COG3: variants seen among roughly 807,000 people sequenced by gnomAD.
COG3 encodes the protein conserved oligomeric Golgi complex subunit 3.
A neutral mutation model predicts 114.1 loss-of-function variants in COG3; 32 were observed. The observed-to-expected ratio is 0.28, with a 90% CI of 0.21 to 0.38. The LOEUF (loss-of-function observed/expected upper bound fraction) is 0.38. Ranked by LOEUF, COG3 falls within the 10% of genes least tolerant of loss-of-function variation. COG3 has a pLI of 1.00. For missense variants in COG3, 813 were observed against 973.2 expected, an observed-to-expected ratio of 0.84 and a Z score of 2.19; for synonymous variants, 352 against 365.7, an observed-to-expected ratio of 0.96 and a Z score of 0.43.
Position 45,530,798 on chromosome 13 carries a change from G to T in COG3, c.2457+18G>T. 1.9e-6 allele frequency: 3 copies of T among 1,605,330 alleles called. No homozygotes were observed. The highest frequency in any genetic ancestry group is 2.6e-6 in the Non-Finnish European group (3 of 1,172,832). On this transcript the variant is annotated intron_variant, in intron 22 of 22. Coordinates refer to ENST00000349995, the MANE Select transcript of COG3 (RefSeq NM_031431.4). ...TGGAACAGGTAATGGGTAGACTGAA[G>T]ATCCTTATTACTTTTATGCCCTCTT...
intron 22 of COG3, 60 bp downstream of exon 22, chr13:45,530,840 T>A: frequency 6.5e-7 from 1 of 1,538,728 alleles, no homozygotes; most frequent in Non-Finnish European, 8.8e-7. Context: ...TTCACCTGAG[T>A]AGATAATGTC....
At chr13:45,507,894 C>T (rs1412040087) in intron 14 of COG3, among the ~76,000 whole-genome samples, 1 of 150,646 alleles carries the variant, frequency 6.6e-6, no homozygotes, top group African/African-American at 2.4e-5. Flanking sequence ...ATGGTGAAAC[C>T]CTGTCTCTAC....
rs747929446 is a variant in COG3, at chr13:45,535,538, C to G, written c.*807C>G. 23 of 985,476 alleles carry G rather than the reference C, an allele frequency of 2.3e-5. No homozygotes were observed. The highest frequency in any genetic ancestry group is 1.0e-3 in the Middle Eastern group (2 of 1,938). The allele number at this position is 985,476 out of a possible 1,614,324, so 61.0% of individuals were successfully genotyped here. ...TGGCGCATAGAGGAGAGAAGGAAAC[C>G]TGAGGAGTAGTGTTCCTCCTGAATG... On this transcript the variant is annotated 3_prime_UTR_variant, in exon 23 of 23. Coordinates refer to ENST00000349995, the MANE Select transcript of COG3 (RefSeq NM_031431.4).
chr13:45,482,341 A>AT (rs1416507051), intron 5 of COG3, 40 bp from the exon 6 acceptor site: 2 of 1,070,632 alleles, frequency 1.9e-6, no homozygotes, highest in South Asian at 1.4e-5. Context: ...TATCTGTATC[A>AT]TTTTTTATGA....
In COG3 at chr13:45,504,424, G is replaced by A. The variant is rs192725658; in HGVS notation, c.1594+1075G>A. On this transcript the variant is annotated intron_variant, in intron 14 of 22. Transcript: ENST00000349995. ...CTTTATGAGCACGGGAGAGACGAGAGTACATTTCTGTCTTGCCAACCCCGG... is the reference window on the plus strand; with the variant it reads ...CTTTATGAGCACGGGAGAGACGAGAATACATTTCTGTCTTGCCAACCCCGG... Among the ~76,000 whole-genome samples, 62 of 152,254 alleles carry A rather than the reference G, an allele frequency of 4.1e-4. 1 individual carries two copies. Among genetic ancestry groups the A allele is most frequent in the Non-Finnish European group, 8.8e-5 (6 of 68,020 alleles).
chr13:45,507,774 G>GA (rs34309121), intron 14 of COG3, among the ~76,000 whole-genome samples: 19,900 of 138,208 alleles, frequency 0.14, 2,250 homozygotes, highest in African/African-American at 0.32. Context: ...CAGAAAAAAA[G>GA]AAAAAAAAAA....
At chr13:45,498,235 A>G (rs946810566) in intron 13 of COG3, among the ~76,000 whole-genome samples, 1 of 151,936 alleles carries the variant, frequency 6.6e-6, no homozygotes, top group Non-Finnish European at 1.5e-5. Flanking sequence ...TCTCGTAAGA[A>G]TAAAGACAAT....
rs1035372451 is a variant in COG3 at position 45,530,737 on chromosome 13, G to T, written c.2414G>T (p.Ser805Ile). The T allele has an allele frequency of 1.2e-6, 2 of 1,613,356 alleles. No homozygotes were observed. Among genetic ancestry groups the T allele is most frequent in the Non-Finnish European group, 1.7e-6 (2 of 1,179,370 alleles). ...CACGCTCTGTTAAAGGAAGAGTTCA[G>T]CCCTGAAGACATCCAGATCATTGCC... ...KFHALLKEEF[S>I]PEDIQIIACP... The change falls in exon 22 of 23, where the codon AGC becomes ATC. Residue 805 changes from serine (S) to isoleucine (I), a missense_variant. Physicochemically the swap from Ser to Ile is moderately radical, Grantham distance 142. Coordinates refer to ENST00000349995, the MANE Select transcript of COG3 (RefSeq NM_031431.4).
chr13:45,491,716 C>T (rs1212499150), intron 10 of COG3, among the ~76,000 whole-genome samples, 178 bp downstream of exon 10: 1 of 152,208 alleles, frequency 6.6e-6, no homozygotes, highest in African/African-American at 2.4e-5. Context: ...AAAATATTCT[C>T]ATTTTTTACT....
intron 16 of COG3, among the ~76,000 whole-genome samples, chr13:45,513,852 C>T (rs1871237599): frequency 6.6e-6 from 1 of 151,586 alleles, no homozygotes; most frequent in African/African-American, 2.4e-5. Flanking sequence ...TTTTATATAA[C>T]AATATTACAC....
At chr13:45,470,684 C>T (rs542369431) in intron 1 of COG3, among the ~76,000 whole-genome samples, 2 of 152,334 alleles carry the variant, frequency 1.3e-5, no homozygotes, top group East Asian at 3.9e-4. Context: ...CATTGATCTA[C>T]ATTCTTTCAG....
intron 13 of COG3, among the ~76,000 whole-genome samples, chr13:45,497,848 C>T (rs979584419): frequency 3.3e-5 from 5 of 150,814 alleles, no homozygotes; most frequent in African/African-American, 4.9e-5. Context: ...CTAAGCAGGA[C>T]GGAATATAAC....
chr13:45,496,419 C>G, intron 13 of COG3, 107 bp downstream of exon 13: 2 of 895,476 alleles, frequency 2.2e-6, no homozygotes, highest in South Asian at 9.2e-5. Flanking sequence ...AGGGTTTCCC[C>G]TTGTTGCCCA....
At chr13:45,502,597 T>C (rs1018479054) in intron 13 of COG3, among the ~76,000 whole-genome samples, 1 of 152,194 alleles carries the variant, frequency 6.6e-6, no homozygotes, top group African/African-American at 2.4e-5. Context: ...GTAGGGAGTC[T>C]GTTTCCTAAT....
intron 14 of COG3, among the ~76,000 whole-genome samples, chr13:45,509,010 T>C (rs542864821): frequency 6.6e-6 from 1 of 151,886 alleles, no homozygotes; most frequent in East Asian, 1.9e-4. Context: ...CCCACCTGCT[T>C]CCTTCCTCAT....
intron 15 of COG3, among the ~76,000 whole-genome samples, chr13:45,510,559 A>G (rs1159763160): frequency 6.6e-6 from 1 of 152,208 alleles, no homozygotes; most frequent in Non-Finnish European, 1.5e-5. Flanking sequence ...CAAGGAAAAT[A>G]CGCAGGAGGC....
At position 45,511,871 on chromosome 13, in the gene COG3, G is replaced by A. The variant is rs1870906509; in HGVS notation, c.1809+17G>A. 1 of 1,581,618 alleles carries A rather than the reference G, an allele frequency of 6.3e-7. No homozygotes were observed. The highest frequency in any genetic ancestry group is 1.3e-5 in the African/African-American group (1 of 74,362). Reference sequence around the variant, plus strand: ...AAAAACAAGGTTTGATGAAGTGTTAGGTGAAATCCTGTTTCCTGGTAAAAT... The same window carrying A: ...AAAAACAAGGTTTGATGAAGTGTTAAGTGAAATCCTGTTTCCTGGTAAAAT... On this transcript the variant is annotated intron_variant, in intron 16 of 22. Coordinates refer to ENST00000349995, the MANE Select transcript of COG3 (RefSeq NM_031431.4).
chr13:45,480,055 T>C, intron 3 of COG3, 70 bp from the exon 4 acceptor site: 1 of 1,340,554 alleles, frequency 7.5e-7, no homozygotes, highest in Non-Finnish European at 1.0e-6. Flanking sequence ...AAATGAGCCT[T>C]TGTTGTTTTT....
Position 45,518,947 on chromosome 13 carries a change from T to C in COG3, c.2020-13T>C. 1.2e-6 allele frequency: 2 copies of C among 1,613,996 alleles called. No individual in the cohort carries two copies. The highest frequency in any genetic ancestry group is 1.7e-6 in the Non-Finnish European group (2 of 1,179,932). On this transcript the variant is annotated splice_polypyrimidine_tract_variant and intron_variant, in intron 18 of 22. Coordinates refer to ENST00000349995, the MANE Select transcript of COG3 (RefSeq NM_031431.4). ...ACATAAAAACAGGAGGAAATTGTTA[T>C]CTTCTTTTTAAGGGTACTCCTGAGA...
Sources: allele counts gnomAD v4.1 joint callset (sites outside exome capture counted in the v4.1 genomes callset), GRCh38; gene constraint gnomAD v4.1.1; transcripts MANE v1.5; gene names NCBI Gene and HGNC (gene_info 2026-07-23, HGNC 2026-07-21).